Variants in TSPAN14 observed in about 807,000 individuals in gnomAD.
The protein encoded by TSPAN14 is tetraspanin-14.
Under a neutral mutation model 36.6 loss-of-function variants are expected in TSPAN14, and 16 were observed. The ratio of observed to expected loss-of-function variants is 0.44; its 90% CI spans 0.30 to 0.66. The LOEUF (loss-of-function observed/expected upper bound fraction) is 0.66. Among genes scored for constraint, TSPAN14 ranks in the 30% least tolerant of loss-of-function variants. TSPAN14 has a pLI of 0.12. For synonymous variants in TSPAN14, 139 were observed against 143.8 expected (o/e 0.97, Z 0.24); for missense variants, 231 against 355.1 (o/e 0.65, Z 2.81).
In TSPAN14 at chr10:80,493,605, G is replaced by A. The variant is rs184192210; in HGVS notation, c.81+4291G>A. 2.5e-3 allele frequency among the ~76,000 whole-genome samples: 387 copies of A among 152,342 alleles called. 1 individual carries two copies. Among genetic ancestry groups the A allele is most frequent in the Non-Finnish European group, 4.8e-3 (324 of 68,032 alleles). On this transcript the variant is annotated intron_variant, in intron 2 of 8. Coordinates refer to ENST00000429989, the Ensembl canonical transcript of TSPAN14. ...AGTTCTGTCACATGCTACAGCATGG[G>A]TAAACCTTGAGTACATAGTGCTGAG...
rs191868423 is a variant in TSPAN14 at position 80,518,153 on chromosome 10, C to T, written c.*177C>T. 569 of 652,784 alleles carry T rather than the reference C, an allele frequency of 8.7e-4. 3 individuals are homozygous for T. The highest frequency in any genetic ancestry group is 6.1e-5 in the Non-Finnish European group (23 of 376,104). 40.4% of individuals were successfully genotyped at this position (652,784 alleles called of 1,614,324 possible). On this transcript the variant is annotated 3_prime_UTR_variant, in exon 9 of 9. Transcript: ENST00000429989. ...TTGCTGGTGCTGAAGACCAAGGGTC[C>T]CCCTTGTTACCTGCCCAAACTTGTG...
chr10:80,465,221 G>A (rs1264182493), intron 1 of TSPAN14, among the ~76,000 whole-genome samples: 1 of 152,074 alleles, frequency 6.6e-6, no homozygotes, highest in Non-Finnish European at 1.5e-5. Flanking sequence ...TGGGGGCCAG[G>A]CACGTGCCTG....
At chr10:80,504,634 C>G in intron 2 of TSPAN14, 94 bp from the exon 3 acceptor site, 1 of 1,460,046 alleles carries the variant, frequency 6.8e-7, no homozygotes, top group Non-Finnish European at 9.6e-7. Context: ...TAGGAGCATG[C>G]CCTACCTGGC....
intron 1 of TSPAN14, among the ~76,000 whole-genome samples, chr10:80,486,180 G>C (rs773243905): frequency 6.6e-6 from 1 of 152,242 alleles, no homozygotes; most frequent in Admixed American, 6.5e-5. Context: ...TTGGTCATGC[G>C]TGTTGGGTGG....
rs944329959 is a variant in TSPAN14 at position 80,464,391 on chromosome 10, C to T, written c.-18+10020C>T. ...TTCCTTTCAGAACAGAAATGGGGTA[C>T]GGTTCTTCCTGGGATGGGTGGGGAA... is the stretch of plus-strand genomic sequence containing the variant. On this transcript the variant is annotated intron_variant, in intron 1 of 8. Coordinates refer to ENST00000429989, the Ensembl canonical transcript of TSPAN14. Among the ~76,000 whole-genome samples, 6 of 152,140 alleles carry T rather than the reference C, an allele frequency of 3.9e-5. No homozygotes were observed. The South Asian group carries it at 6.2e-4, about 16-fold the overall frequency.
chr10:80,488,098 G>A (rs1291009052), intron 1 of TSPAN14, among the ~76,000 whole-genome samples: 3 of 152,264 alleles, frequency 2.0e-5, no homozygotes, highest in South Asian at 2.1e-4. Flanking sequence ...GTCTCCTTTC[G>A]CCTTGGGCTG....
chr10:80,511,910 C>G (rs185491311), intron 5 of TSPAN14, among the ~76,000 whole-genome samples: 1 of 152,032 alleles, frequency 6.6e-6, no homozygotes, highest in East Asian at 1.9e-4. Context: ...CTCAACCTCC[C>G]GAGTCACTGA....
chr10:80,508,862 G>A (rs1394156136), intron 4 of TSPAN14, among the ~76,000 whole-genome samples: 2 of 152,138 alleles, frequency 1.3e-5, no homozygotes, highest in Non-Finnish European at 2.9e-5. Flanking sequence ...ATCAGATAAT[G>A]TCTTGGGCAC....
intron 1 of TSPAN14, among the ~76,000 whole-genome samples, chr10:80,480,765 C>T (rs1476196037): frequency 2.0e-5 from 3 of 151,830 alleles, no homozygotes; most frequent in African/African-American, 7.3e-5. Flanking sequence ...GAACGTCACA[C>T]TCTGGGGACT....
At chr10:80,499,028 G>A (rs1026415974) in intron 2 of TSPAN14, among the ~76,000 whole-genome samples, 6 of 152,184 alleles carry the variant, frequency 3.9e-5, no homozygotes, top group African/African-American at 1.4e-4. Flanking sequence ...CTGGTGATTC[G>A]CCTTGATCTT....
intron 1 of TSPAN14, chr10:80,485,731 G>A: frequency 1.0e-6 from 1 of 979,340 alleles, no homozygotes; most frequent in East Asian, 1.1e-4. Context: ...CCCGAGGTTA[G>A]GTGGGTGGCA....
chr10:80,461,032 A>C (rs905374016), intron 1 of TSPAN14, among the ~76,000 whole-genome samples: 1 of 152,116 alleles, frequency 6.6e-6, no homozygotes, highest in African/African-American at 2.4e-5. Context: ...CATTTTGCCT[A>C]TGGGAGCTTC....
intron 8 of TSPAN14, 80 bp downstream of exon 8, chr10:80,516,403 C>G: frequency 1.3e-6 from 2 of 1,590,538 alleles, no homozygotes; most frequent in Non-Finnish European, 1.7e-6. Flanking sequence ...GTGCATGGGT[C>G]CAGTTTGGGT....
chr10:80,514,106 T>G, intron 7 of TSPAN14, 43 bp downstream of exon 7: 1 of 1,555,006 alleles, frequency 6.4e-7, no homozygotes, highest in South Asian at 1.1e-5. Context: ...TCTTTAGGTT[T>G]TATTCCCTGT....
At chr10:80,456,500 C>T (rs1011722511) in intron 1 of TSPAN14, among the ~76,000 whole-genome samples, 6 of 152,098 alleles carry the variant, frequency 3.9e-5, no homozygotes, top group African/African-American at 7.2e-5. Context: ...CCATGGAGGC[C>T]GGGGAGCAGG....
chr10:80,468,220 T>C (rs1006773679), intron 1 of TSPAN14, among the ~76,000 whole-genome samples: 86 of 152,290 alleles, frequency 5.6e-4, no homozygotes, highest in South Asian at 8.3e-4. Context: ...CCTGTGCCTG[T>C]TGCCCGTCTG....
intron 1 of TSPAN14, among the ~76,000 whole-genome samples, chr10:80,484,297 G>A (rs1847473985): frequency 6.6e-6 from 1 of 151,532 alleles, no homozygotes; most frequent in Admixed American, 6.6e-5. Flanking sequence ...TTTATTTCTA[G>A]TGACATTGAA....
Position 80,455,347 on chromosome 10 carries a change from C to T in TSPAN14, c.-18+976C>T, listed in dbSNP as rs552985296. ...CGGTGTCACACACTCGTTGGCTGTG[C>T]TGGCGCTGCTATCCGGGAGGTCAGG... On this transcript the variant is annotated intron_variant, in intron 1 of 8. Coordinates refer to ENST00000429989, the Ensembl canonical transcript of TSPAN14. 1.7e-3 allele frequency among the ~76,000 whole-genome samples: 263 copies of T among 152,278 alleles called. 4 individuals carry two copies. Among genetic ancestry groups the T allele is most frequent in the Middle Eastern group, 3.4e-3 (1 of 292 alleles).
At chr10:80,472,933 G>C (rs1386517739) in intron 1 of TSPAN14, among the ~76,000 whole-genome samples, 1 of 152,114 alleles carries the variant, frequency 6.6e-6, no homozygotes, top group Non-Finnish European at 1.5e-5. Context: ...TATGATTCTG[G>C]AGGCAGCTCC....
Sources: gnomAD v4.1 joint callset for allele counts (sites outside exome capture counted in the v4.1 genomes callset) on GRCh38, gnomAD v4.1.1 for gene constraint, MANE v1.5 for transcripts, NCBI Gene and HGNC (gene_info 2026-07-23, HGNC 2026-07-21) for gene names.